Variants in BORCS5 observed in about 807,000 individuals in gnomAD.
BORCS5 encodes BLOC-1-related complex subunit 5.
Under a neutral mutation model 22.1 loss-of-function variants are expected in BORCS5, and 17 were observed. The ratio of observed to expected loss-of-function variants is 0.77; its 90% CI spans 0.53 to 1.15. The LOEUF (loss-of-function observed/expected upper bound fraction) is 1.15. BORCS5 is among the 50% of genes most tolerant of loss of function. The pLI is 0.00. For missense variants in BORCS5, 247 were observed against 253.2 expected, an observed-to-expected ratio of 0.98 and a Z score of 0.17; for synonymous variants, 117 against 99.8, an observed-to-expected ratio of 1.17 and a Z score of -1.03.
Position 12,469,034 on chromosome 12 carries a change from T to C in BORCS5, c.*3258T>C, listed in dbSNP as rs1453848148. ...CATTAAATGAGTTTCAAGGACTCCATACCCTGATATAGGAGTACATTCAAG... is the reference window on the plus strand; with the variant it reads ...CATTAAATGAGTTTCAAGGACTCCACACCCTGATATAGGAGTACATTCAAG... On this transcript the variant is annotated 3_prime_UTR_variant, in exon 4 of 4. Transcript: ENST00000314565. The C allele has an allele frequency of 6.6e-6, 1 of 152,208 alleles. No individual in the cohort carries two copies. The highest frequency in any genetic ancestry group is 1.9e-4 in the East Asian group (1 of 5,200). The allele number at this position is 152,208 out of a possible 1,614,324, so 9.4% of individuals were successfully genotyped here. A position where few individuals can be genotyped will look rare whatever the true frequency, so the allele number is the denominator to read the frequency against.
intron 3 of BORCS5, among the ~76,000 whole-genome samples, chr12:12,452,938 G>T (rs1942938519): frequency 6.6e-6 from 1 of 152,162 alleles, no homozygotes; most frequent in African/African-American, 2.4e-5. Context: ...GATAGAGGTG[G>T]CAGGTGGGCT....
At chr12:12,395,577 A>G (rs1292692731) in intron 2 of BORCS5, among the ~76,000 whole-genome samples, 1 of 151,152 alleles carries the variant, frequency 6.6e-6, no homozygotes, top group Non-Finnish European at 1.5e-5. Context: ...GTGAGCTACC[A>G]TGCCCGGCAA....
intron 2 of BORCS5, among the ~76,000 whole-genome samples, chr12:12,419,726 T>C (rs1339674676): frequency 6.6e-6 from 1 of 152,236 alleles, no homozygotes; most frequent in Non-Finnish European, 1.5e-5. Flanking sequence ...GACTTTTTAA[T>C]GATTGCCATT....
Position 12,357,104 on chromosome 12 carries a change from G to C in BORCS5, c.-348G>C, listed in dbSNP as rs1863152442. The C allele has an allele frequency of 6.5e-7, 1 of 1,534,536 alleles. No individual in the cohort carries two copies. Among genetic ancestry groups the C allele is most frequent in the Non-Finnish European group, 8.7e-7 (1 of 1,146,148 alleles). ...TCTGCGTCCCGGAAGGAGCGAGCTT[G>C]CGGAGCGTGAACCAGTGAGTGAAAG... On this transcript the variant is annotated 5_prime_UTR_variant, in exon 1 of 4. Transcript: ENST00000314565.
chr12:12,453,642 A>T (rs1942952219), intron 3 of BORCS5, among the ~76,000 whole-genome samples: 1 of 152,226 alleles, frequency 6.6e-6, no homozygotes, highest in African/African-American at 2.4e-5. Flanking sequence ...GGGAGAAGGA[A>T]TTGAATGTAT....
At chr12:12,418,694 C>T (rs933981290) in intron 2 of BORCS5, among the ~76,000 whole-genome samples, 2 of 152,054 alleles carry the variant, frequency 1.3e-5, no homozygotes, top group Non-Finnish European at 2.9e-5. Context: ...TTCAGTATAG[C>T]TCTTTTGGTT....
intron 3 of BORCS5, among the ~76,000 whole-genome samples, chr12:12,447,082 G>A (rs1426823444): frequency 2.6e-5 from 4 of 152,094 alleles, no homozygotes; most frequent in Admixed American, 1.3e-4. Context: ...GGAAGTTTAC[G>A]AATTCTCTCT....
chr12:12,422,696 C>G (rs935235429), intron 2 of BORCS5, among the ~76,000 whole-genome samples: 1 of 152,122 alleles, frequency 6.6e-6, no homozygotes, highest in Non-Finnish European at 1.5e-5. Flanking sequence ...CTGCTCCTTT[C>G]CAGCTTAGTT....
chr12:12,436,881 G>A (rs1321657718), intron 3 of BORCS5, among the ~76,000 whole-genome samples: 1 of 152,136 alleles, frequency 6.6e-6, no homozygotes, highest in African/African-American at 2.4e-5. Flanking sequence ...CATGACCTTT[G>A]ATATTGCTTT....
At chr12:12,407,944 A>G (rs1044280450) in intron 2 of BORCS5, among the ~76,000 whole-genome samples, 2 of 152,122 alleles carry the variant, frequency 1.3e-5, no homozygotes, top group African/African-American at 2.4e-5. Context: ...TCCTAGGCTC[A>G]AGGGATCCTT....
Position 12,357,294 on chromosome 12 carries a change from C to T in BORCS5, c.-158C>T, listed in dbSNP as rs1162430923. 1.4e-6 allele frequency: 2 copies of T among 1,455,684 alleles called. No individual in the cohort carries two copies. The highest frequency in any genetic ancestry group is 2.6e-5 in the Admixed American group (1 of 38,394). 90.2% of individuals were successfully genotyped at this position (1,455,684 alleles called of 1,614,324 possible). On this transcript the variant is annotated 5_prime_UTR_variant, in exon 1 of 4. Coordinates refer to ENST00000314565, the MANE Select transcript of BORCS5 (RefSeq NM_058169.6). ...CCTTCTCCCGCCGCCCAGGCCCCTG[C>T]GTGGGCTGGACGCGTCAGCCCCACA... is the stretch of plus-strand genomic sequence containing the variant.
In BORCS5 at chr12:12,467,103, AAATT is replaced by A. The variant is rs1385224782; in HGVS notation, c.*1336_*1339del. On this transcript the variant is annotated 3_prime_UTR_variant, in exon 4 of 4. Coordinates refer to ENST00000314565, the MANE Select transcript of BORCS5 (RefSeq NM_058169.6). Reference sequence around the variant, plus strand: ...GCCACCAAATCCAGCTAATTAAAAAAAATTAATTAATTTTACATTTTCAAATTCA... The same window carrying A: ...GCCACCAAATCCAGCTAATTAAAAAAAATTAATTTTACATTTTCAAATTCA... 3 of 152,194 alleles carry A rather than the reference AAATT, an allele frequency of 2.0e-5. No individual in the cohort carries two copies. Among genetic ancestry groups the A allele is most frequent in the Non-Finnish European group, 4.4e-5 (3 of 68,034 alleles). 9.4% of individuals were successfully genotyped at this position (152,194 alleles called of 1,614,324 possible).
intron 2 of BORCS5, among the ~76,000 whole-genome samples, chr12:12,414,687 C>T (rs1258925465): frequency 1.2e-5 from 1 of 86,792 alleles, no homozygotes; most frequent in East Asian, 2.4e-4. Context: ...GGGCGGGGGG[C>T]TGACCCCCCC....
rs1475215738 is a variant in BORCS5 at position 12,361,455 on chromosome 12, G to C, written c.202+106G>C. The C allele has an allele frequency of 3.1e-6, 4 of 1,283,154 alleles. No individual in the cohort carries two copies. In the African/African-American group the frequency reaches 5.9e-5, roughly 19 times the overall value. The allele number at this position is 1,283,154 out of a possible 1,614,324, so 79.5% of individuals were successfully genotyped here. On this transcript the variant is annotated intron_variant, in intron 2 of 3. Transcript: ENST00000314565. ...TATCTTGCTCTCTCATCTCCTTTAGGTCTTTGCTTAAATGGCATCTTCTCA... is the reference window on the plus strand; with the variant it reads ...TATCTTGCTCTCTCATCTCCTTTAGCTCTTTGCTTAAATGGCATCTTCTCA...
At chr12:12,413,078 A>G (rs541464768) in intron 2 of BORCS5, among the ~76,000 whole-genome samples, 6 of 93,444 alleles carry the variant, frequency 6.4e-5, no homozygotes, top group East Asian at 2.6e-4. Flanking sequence ...TGTGTCCCTG[A>G]TTACTTGAGA....
chr12:12,430,537 G>A (rs556007692), intron 2 of BORCS5, among the ~76,000 whole-genome samples: 1 of 152,236 alleles, frequency 6.6e-6, no homozygotes, highest in Admixed American at 6.5e-5. Flanking sequence ...GGGGGCACTT[G>A]GGATGGGTGA....
intron 2 of BORCS5, among the ~76,000 whole-genome samples, chr12:12,394,358 G>T (rs1941279326): frequency 6.6e-6 from 1 of 151,798 alleles, no homozygotes. Context: ...AAACCAATAG[G>T]CCTCTGAGGC....
At chr12:12,372,516 T>G (rs1014040394) in intron 2 of BORCS5, among the ~76,000 whole-genome samples, 4 of 152,046 alleles carry the variant, frequency 2.6e-5, no homozygotes, top group Admixed American at 6.6e-5. Flanking sequence ...TGGCCTGGAT[T>G]TCATTTTATT....
chr12:12,449,562 C>A (rs886523938), intron 3 of BORCS5, among the ~76,000 whole-genome samples: 2 of 152,186 alleles, frequency 1.3e-5, no homozygotes, highest in African/African-American at 4.8e-5. Context: ...GGAAACTGGG[C>A]AAGTCGTAAA....
Sources: allele counts gnomAD v4.1 joint callset (sites outside exome capture counted in the v4.1 genomes callset), GRCh38; gene constraint gnomAD v4.1.1; transcripts MANE v1.5; gene names NCBI Gene and HGNC (gene_info 2026-07-23, HGNC 2026-07-21).